The following LYRM7 variants were observed in gnomAD, a reference collection of about 807,000 sequenced individuals.
The protein encoded by LYRM7 is complex III assembly factor LYRM7.
A neutral mutation model predicts 15.8 loss-of-function variants in LYRM7; 9 were observed. That is an observed-to-expected ratio of 0.57 (90% confidence interval 0.34 to 0.99). The LOEUF (loss-of-function observed/expected upper bound fraction) is 0.99. Among genes scored for constraint, LYRM7 ranks in the 50% least tolerant of loss-of-function variants. The probability of loss-of-function intolerance (pLI) is 0.02; values close to 1 mark genes in which losing one functional copy is unlikely to be tolerated. For synonymous variants in LYRM7, 39 were observed against 39.4 expected (o/e 0.99, Z 0.04); for missense variants, 115 against 119.1 (o/e 0.97, Z 0.16).
chr5:131,191,194 T>A (rs1010677891), intron 4 of LYRM7, among the ~76,000 whole-genome samples: 6 of 151,842 alleles, frequency 4.0e-5, no homozygotes, highest in African/African-American at 1.4e-4. Context: ...TATATATACA[T>A]ATATATATGT....
chr5:131,173,698 G>C (rs530677384), intron 1 of LYRM7, among the ~76,000 whole-genome samples: 1 of 152,162 alleles, frequency 6.6e-6, no homozygotes, highest in Non-Finnish European at 1.5e-5. Context: ...GCAGTGAGCC[G>C]AGATCGCACC....
chr5:131,178,507 T>C (rs568605961), intron 1 of LYRM7, among the ~76,000 whole-genome samples: 7 of 152,296 alleles, frequency 4.6e-5, no homozygotes, highest in Admixed American at 3.9e-4. Context: ...ATTGAGTACC[T>C]TTTTGGACTT....
intron 2 of LYRM7, among the ~76,000 whole-genome samples, chr5:131,181,419 A>ATATATATAAAACATATATATG (rs1561544498): frequency 3.4e-5 from 4 of 118,868 alleles, no homozygotes; most frequent in African/African-American, 1.5e-4. Flanking sequence ...ATATATGTTT[A>ATATATATAAAACATATATATG]TATATATATA....
rs1007065280 is a variant in LYRM7, at chr5:131,204,866, T to C, written c.*5265T>C. The C allele has an allele frequency of 6.6e-6, 1 of 152,080 alleles. No individual in the cohort carries two copies. Among genetic ancestry groups the C allele is most frequent in the Non-Finnish European group, 1.5e-5 (1 of 67,996 alleles). 9.4% of individuals were successfully genotyped at this position (152,080 alleles called of 1,614,324 possible). A position where few individuals can be genotyped will look rare whatever the true frequency, so the allele number is the denominator to read the frequency against. On this transcript the variant is annotated 3_prime_UTR_variant, in exon 5 of 5. Coordinates refer to ENST00000379380, the MANE Select transcript of LYRM7 (RefSeq NM_181705.4). ...AGAAACGATACATGATTAATCTTAATCGGGAAGGAAAAGAGATTTAGGGAA... is the reference window on the plus strand; with the variant it reads ...AGAAACGATACATGATTAATCTTAACCGGGAAGGAAAAGAGATTTAGGGAA...
At chr5:131,178,876 C>T (rs945660987) in intron 1 of LYRM7, among the ~76,000 whole-genome samples, 21 of 146,648 alleles carry the variant, frequency 1.4e-4, no homozygotes, top group Admixed American at 4.2e-4. Context: ...GCAGGAGAAT[C>T]GCTTGAACTC....
intron 4 of LYRM7, among the ~76,000 whole-genome samples, chr5:131,188,886 C>T (rs983379913): frequency 6.6e-6 from 1 of 152,186 alleles, no homozygotes; most frequent in Non-Finnish European, 1.5e-5. Context: ...GTGGCTCACA[C>T]CTGTAATCCC....
chr5:131,185,192 C>T (rs1362215409), intron 3 of LYRM7, among the ~76,000 whole-genome samples: 1 of 152,084 alleles, frequency 6.6e-6, no homozygotes, highest in Non-Finnish European at 1.5e-5. Flanking sequence ...TATCTCAGCA[C>T]TCTACTACTC....
intron 2 of LYRM7, among the ~76,000 whole-genome samples, chr5:131,181,302 A>AATATATAT (rs1561544194): frequency 0.01 from 91 of 8,754 alleles, 2 homozygotes; most frequent in Admixed American, 0.013. Flanking sequence ...AAAAAAAAAA[A>AATATATAT]ATATATATAT....
In LYRM7 at chr5:131,199,692, A is replaced by G. The variant is rs535870820; in HGVS notation, c.*91A>G. ...CTGGAAATGCAGACATTTTCCCTGAACTGGCATATTGAAAATGAATGAATT... is the reference window on the plus strand; with the variant it reads ...CTGGAAATGCAGACATTTTCCCTGAGCTGGCATATTGAAAATGAATGAATT... On this transcript the variant is annotated 3_prime_UTR_variant, in exon 5 of 5. Transcript: ENST00000379380. 1.3e-6 allele frequency: 1 copy of G among 789,438 alleles called. No individual in the cohort carries two copies. The highest frequency in any genetic ancestry group is 1.8e-5 in the African/African-American group (1 of 56,706). The allele number at this position is 789,438 out of a possible 1,614,324, so 48.9% of individuals were successfully genotyped here.
At chr5:131,181,453 A>AACATATATATGTATATATATATAT (rs1173620682) in intron 2 of LYRM7, among the ~76,000 whole-genome samples, 1 of 124,050 alleles carries the variant, frequency 8.1e-6, no homozygotes, top group Non-Finnish European at 1.6e-5. Context: ...TATATATATA[A>AACATATATATGTATATATATATAT]AACATATATA....
At chr5:131,180,777 A>G (rs1755678750) in intron 2 of LYRM7, among the ~76,000 whole-genome samples, 1 of 152,220 alleles carries the variant, frequency 6.6e-6, no homozygotes, top group South Asian at 2.1e-4. Context: ...AATAAGATAT[A>G]TGTATTGTAT....
At chr5:131,186,420 A>G (rs1755795679) in intron 3 of LYRM7, among the ~76,000 whole-genome samples, 1 of 152,218 alleles carries the variant, frequency 6.6e-6, no homozygotes, top group Non-Finnish European at 1.5e-5. Context: ...AGCTTTCTAT[A>G]CTAGTTGGAA....
At chr5:131,172,393 A>G (rs1252890561) in intron 1 of LYRM7, among the ~76,000 whole-genome samples, 1 of 150,788 alleles carries the variant, frequency 6.6e-6, no homozygotes, top group Non-Finnish European at 1.5e-5. Context: ...AGCCTGGGTG[A>G]CAGAGCAAGA....
At chr5:131,191,734 C>G (rs1351929943) in intron 4 of LYRM7, among the ~76,000 whole-genome samples, 1 of 151,954 alleles carries the variant, frequency 6.6e-6, no homozygotes, top group African/African-American at 2.4e-5. Flanking sequence ...GTCAAAAAGA[C>G]AGAAAATAAC....
At chr5:131,193,384 G>C (rs545413355) in intron 4 of LYRM7, among the ~76,000 whole-genome samples, 1 of 152,348 alleles carries the variant, frequency 6.6e-6, no homozygotes, top group South Asian at 2.1e-4. Flanking sequence ...TGCCAGGATA[G>C]GAGGCAGAGA....
At chr5:131,199,316 A>T (rs555516316) in intron 4 of LYRM7, among the ~76,000 whole-genome samples, 48 of 152,174 alleles carry the variant, frequency 3.2e-4, no homozygotes, top group Non-Finnish European at 6.2e-4. Context: ...TAAGTGGATC[A>T]TATATGTTTT....
At chr5:131,171,220 G>A (rs1755517466) in intron 1 of LYRM7, among the ~76,000 whole-genome samples, 182 bp downstream of exon 1, 1 of 152,054 alleles carries the variant, frequency 6.6e-6, no homozygotes, top group Non-Finnish European at 1.5e-5. Context: ...GTGCACGTGC[G>A]GAGGAGAGCG....
intron 3 of LYRM7, among the ~76,000 whole-genome samples, chr5:131,184,907 C>G (rs887050307): frequency 5.3e-5 from 8 of 152,128 alleles, no homozygotes; most frequent in Non-Finnish European, 1.0e-4. Flanking sequence ...GATGCTCAGA[C>G]CAAAAACCTT....
intron 4 of LYRM7, among the ~76,000 whole-genome samples, chr5:131,193,676 A>C (rs1453289207): frequency 6.6e-6 from 1 of 152,150 alleles, no homozygotes. Context: ...CTAAATTTGT[A>C]CTTTGGTCCA....
Sources: allele counts gnomAD v4.1 joint callset (sites outside exome capture counted in the v4.1 genomes callset), GRCh38; gene constraint gnomAD v4.1.1; transcripts MANE v1.5; gene names NCBI Gene and HGNC (gene_info 2026-07-23, HGNC 2026-07-21).